Variants in EMCN observed in about 807,000 individuals in gnomAD.
EMCN encodes the protein endomucin.
In EMCN, 37 loss-of-function variants were observed where a neutral mutation model predicts 38.4. The ratio of observed to expected loss-of-function variants is 0.96; its 90% CI spans 0.74 to 1.27. The LOEUF is 1.27. Among genes scored for constraint, EMCN ranks in the 50% most tolerant of loss-of-function variants. The pLI is 0.00. For missense variants in EMCN, 318 were observed against 302.8 expected (o/e 1.05, Z -0.37); for synonymous variants, 95 against 100.8 (o/e 0.94, Z 0.35).
intron 7 of EMCN, 68 bp downstream of exon 7, chr4:100,422,953 C>T (rs1044249867): frequency 5.4e-6 from 8 of 1,476,440 alleles, no homozygotes; most frequent in African/African-American, 1.4e-5. Flanking sequence ...TGATTCCTCT[C>T]CTTTACTGGT....
At chr4:100,460,049 A>G (rs1028140053) in intron 4 of EMCN, among the ~76,000 whole-genome samples, 4 of 152,218 alleles carry the variant, frequency 2.6e-5, no homozygotes, top group Non-Finnish European at 5.9e-5. Context: ...TCAACAGTAT[A>G]CAAGATTTCT....
chr4:100,514,187 C>T (rs1190697372), intron 1 of EMCN, among the ~76,000 whole-genome samples: 1 of 152,060 alleles, frequency 6.6e-6, no homozygotes, highest in Admixed American at 6.6e-5. Flanking sequence ...ACATAAATAT[C>T]AGGATTACAA....
chr4:100,410,357 T>A lies in EMCN; in HGVS notation c.752-2A>T, dbSNP rs778883468. ...TTTTTCCTTGTGCAGAGTGCTCACCTGAGAACAGAAGATATGTTTTGATCT... is the reference window on the plus strand; with the variant it reads ...TTTTTCCTTGTGCAGAGTGCTCACCAGAGAACAGAAGATATGTTTTGATCT... On this transcript the variant is annotated splice_acceptor_variant, in intron 10 of 11. Transcript: ENST00000296420. LOFTEE classifies it high-confidence loss of function. 16 of 1,613,550 alleles carry A rather than the reference T, an allele frequency of 9.9e-6. No homozygotes were observed. The highest frequency in any genetic ancestry group is 1.4e-5 in the Non-Finnish European group (16 of 1,179,530).
chr4:100,489,212 A>G (rs1729016705), intron 1 of EMCN, among the ~76,000 whole-genome samples: 1 of 152,166 alleles, frequency 6.6e-6, no homozygotes, highest in African/African-American at 2.4e-5. Flanking sequence ...GTAATATGAA[A>G]TTATGCTGTT....
rs148349521 is a variant in EMCN at position 100,502,653 on chromosome 4, A to G, written c.64+15198T>C. On this transcript the variant is annotated intron_variant, in intron 1 of 11. Transcript: ENST00000296420. ...TATAAAAGTAGAATTGTTGGGCAAG[A>G]TTGTCTTATTGTTATTCTCACAAAA... 6.6e-5 allele frequency among the ~76,000 whole-genome samples: 10 copies of G among 152,302 alleles called. No individual in the cohort carries two copies. In the East Asian group the frequency reaches 1.9e-3, roughly 29 times the overall value.
intron 1 of EMCN, among the ~76,000 whole-genome samples, chr4:100,490,537 C>T (rs927323822): frequency 6.6e-6 from 1 of 152,108 alleles, no homozygotes; most frequent in Non-Finnish European, 1.5e-5. Flanking sequence ...GGTAAGTGCC[C>T]TATACAGGTG....
intron 4 of EMCN, among the ~76,000 whole-genome samples, chr4:100,457,442 A>G (rs1728050271): frequency 6.6e-6 from 1 of 152,190 alleles, no homozygotes; most frequent in South Asian, 2.1e-4. Flanking sequence ...TGGACTTTTC[A>G]TATATGAACT....
chr4:100,475,727 G>A (rs1396385457), intron 2 of EMCN, among the ~76,000 whole-genome samples: 2 of 135,774 alleles, frequency 1.5e-5, no homozygotes, highest in Non-Finnish European at 3.1e-5. Flanking sequence ...GCCCAGGCTG[G>A]AGTGCAGTGG....
chr4:100,479,970 G>C lies in EMCN; in HGVS notation c.134C>G (p.Thr45Arg), dbSNP rs757857089. 4 of 1,609,268 alleles carry C rather than the reference G, an allele frequency of 2.5e-6. No homozygotes were observed. The Admixed American group carries it at 6.8e-5, about 27-fold the overall frequency. The change falls in exon 2 of 12, where the codon ACA becomes AGA. Residue 45 changes from threonine (T) to arginine (R), a missense_variant. Thr to Arg is a moderately conservative substitution (Grantham distance 71, BLOSUM62 -1). Transcript: ENST00000296420. Reference sequence around the variant, plus strand: ...GACAACATTTTTCTGTAATGATTCTGTGTTTGGTGTTGTTATAGATGGTTT... The same window carrying C: ...GACAACATTTTTCTGTAATGATTCTCTGTTTGGTGTTGTTATAGATGGTTT... ...TTKPSITTPN[T>R]ESLQKNVVTP...
intron 1 of EMCN, among the ~76,000 whole-genome samples, chr4:100,499,549 C>T (rs146466241): frequency 2.8e-3 from 419 of 152,292 alleles, no homozygotes; most frequent in African/African-American, 9.7e-3. Flanking sequence ...TTAAAGTCTT[C>T]AGAAGAATTC....
intron 1 of EMCN, among the ~76,000 whole-genome samples, chr4:100,496,069 C>T (rs560269445): frequency 5.9e-5 from 9 of 152,032 alleles, no homozygotes; most frequent in Admixed American, 1.3e-4. Flanking sequence ...TCTAAACACA[C>T]TTTTGCTCTT....
chr4:100,421,196 T>G, intron 8 of EMCN, 86 bp downstream of exon 8: 1 of 1,160,702 alleles, frequency 8.6e-7, no homozygotes, highest in Non-Finnish European at 1.3e-6. Flanking sequence ...TCTATAACTT[T>G]TCTCTCCCTT....
chr4:100,402,979 C>G (rs762989680), intron 11 of EMCN, among the ~76,000 whole-genome samples: 24 of 152,244 alleles, frequency 1.6e-4, no homozygotes, highest in Non-Finnish European at 2.9e-4. Flanking sequence ...CATATATCAG[C>G]TAGGGCTGGA....
At chr4:100,499,881 C>T (rs1729303016) in intron 1 of EMCN, among the ~76,000 whole-genome samples, 1 of 152,160 alleles carries the variant, frequency 6.6e-6, no homozygotes, top group African/African-American at 2.4e-5. Flanking sequence ...CCTAAGCAAG[C>T]CTTACAAGTG....
intron 3 of EMCN, among the ~76,000 whole-genome samples, chr4:100,468,147 A>G (rs1728375002): frequency 6.6e-6 from 1 of 152,196 alleles, no homozygotes. Flanking sequence ...TAAGAATTTA[A>G]CACAAGAGAT....
At chr4:100,405,483 A>AT (rs1726368309) in intron 11 of EMCN, among the ~76,000 whole-genome samples, 1 of 151,976 alleles carries the variant, frequency 6.6e-6, no homozygotes, top group Non-Finnish European at 1.5e-5. Flanking sequence ...TGATCATGCA[A>AT]TTTTTGTTTT....
intron 1 of EMCN, among the ~76,000 whole-genome samples, chr4:100,493,180 G>T (rs769277915): frequency 5.9e-5 from 9 of 152,040 alleles, no homozygotes; most frequent in Non-Finnish European, 1.2e-4. Context: ...AGTAAGTTCA[G>T]GACACTAAAA....
chr4:100,496,605 T>C (rs1729214220), intron 1 of EMCN, among the ~76,000 whole-genome samples: 1 of 152,148 alleles, frequency 6.6e-6, no homozygotes, highest in Non-Finnish European at 1.5e-5. Context: ...AAACAAATAA[T>C]GTGAAAAAAG....
intron 2 of EMCN, 72 bp downstream of exon 2, chr4:100,479,845 A>G (rs60988328): frequency 0.14 from 171,745 of 1,225,648 alleles, 23,213 homozygotes; most frequent in East Asian, 0.78. Flanking sequence ...TTATTTTTTC[A>G]TACTGATGTA....
Sources: allele counts gnomAD v4.1 joint callset (sites outside exome capture counted in the v4.1 genomes callset), GRCh38; gene constraint gnomAD v4.1.1; transcripts MANE v1.5; gene names NCBI Gene and HGNC (gene_info 2026-07-23, HGNC 2026-07-21).